The following GNAZ variants were observed in gnomAD, a reference collection of about 807,000 sequenced individuals.
The protein encoded by GNAZ is guanine nucleotide-binding protein G(z) subunit alpha.
GNAZ carries 3 observed loss-of-function variants against 25.4 expected under a neutral mutation model. The observed-to-expected ratio is 0.12, with a 90% confidence interval of 0.05 to 0.30. The LOEUF (loss-of-function observed/expected upper bound fraction) is 0.30, where lower values mean the gene tolerates loss of function less well. GNAZ is among the 10% of genes least tolerant of loss of function. The pLI is 1.00. For missense variants in GNAZ, 241 were observed against 501.8 expected, an observed-to-expected ratio of 0.48 and a Z score of 4.97; for synonymous variants, 211 against 205.7, an observed-to-expected ratio of 1.03 and a Z score of -0.22.
At chr22:23,116,722 G>A (rs6003513) in intron 2 of GNAZ, among the ~76,000 whole-genome samples, 15 of 152,332 alleles carry the variant, frequency 9.8e-5, no homozygotes, top group South Asian at 2.1e-4. Context: ...CAGCCCAGGC[G>A]CTTGTCCCAC....
At chr22:23,107,089 A>C (rs1374727725) in intron 2 of GNAZ, among the ~76,000 whole-genome samples, 2 of 152,246 alleles carry the variant, frequency 1.3e-5, no homozygotes, top group African/African-American at 4.8e-5. Context: ...CTAGGGCTTT[A>C]GCGGCAGCCT....
At chr22:23,114,226 G>A (rs1388214794) in intron 2 of GNAZ, among the ~76,000 whole-genome samples, 5 of 152,140 alleles carry the variant, frequency 3.3e-5, no homozygotes, top group African/African-American at 2.4e-5. Flanking sequence ...CTACAACCCC[G>A]CCCCACAGCT....
rs531780742 is a variant in GNAZ, at chr22:23,083,825, G to A, written c.-449-11422G>A. Among the ~76,000 whole-genome samples, 3 of 152,340 alleles carry A rather than the reference G, an allele frequency of 2.0e-5. No individual in the cohort carries two copies. In the South Asian group the frequency reaches 6.2e-4, roughly 32 times the overall value. On this transcript the variant is annotated intron_variant, in intron 1 of 2. Transcript: ENST00000615612. ...GCACACCACACCTGTTCAAGGTCGCGCGGGCCAGGTGGCAGGCCCAGACTG... is the reference window on the plus strand; with the variant it reads ...GCACACCACACCTGTTCAAGGTCGCACGGGCCAGGTGGCAGGCCCAGACTG...
At chr22:23,088,608 G>A (rs1051804557) in intron 1 of GNAZ, among the ~76,000 whole-genome samples, 3 of 152,218 alleles carry the variant, frequency 2.0e-5, no homozygotes, top group Admixed American at 6.5e-5. Flanking sequence ...GCAGGTAGGC[G>A]CAGGCAGCCC....
At chr22:23,106,388 G>T (rs185282378) in intron 2 of GNAZ, among the ~76,000 whole-genome samples, 56 of 152,328 alleles carry the variant, frequency 3.7e-4, no homozygotes, top group Non-Finnish European at 1.5e-4. Flanking sequence ...CTGCCCAGTG[G>T]GTGAAGCCCA....
chr22:23,104,151 C>T (rs1485946725), intron 2 of GNAZ, among the ~76,000 whole-genome samples: 1 of 151,572 alleles, frequency 6.6e-6, no homozygotes, highest in Non-Finnish European at 1.5e-5. Flanking sequence ...ACTGAGGGGG[C>T]TGTCGGGGGC....
At chr22:23,073,145 A>G (rs182733172) in intron 1 of GNAZ, among the ~76,000 whole-genome samples, 1 of 152,342 alleles carries the variant, frequency 6.6e-6, no homozygotes, top group Admixed American at 6.5e-5. Context: ...TGTGGTGGCA[A>G]AGGCACTCTC....
chr22:23,105,643 G>A (rs564645941), intron 2 of GNAZ, among the ~76,000 whole-genome samples: 15 of 152,358 alleles, frequency 9.8e-5, no homozygotes, highest in South Asian at 4.1e-4. Context: ...CTCACACTGT[G>A]CTTTCTTCGC....
intron 2 of GNAZ, among the ~76,000 whole-genome samples, chr22:23,112,045 A>G (rs751788082): frequency 1.3e-5 from 2 of 152,174 alleles, no homozygotes; most frequent in African/African-American, 2.4e-5. Flanking sequence ...CTTGGGGGTA[A>G]CCAGGAAAGG....
chr22:23,101,344 G>T (rs376863942), intron 2 of GNAZ, among the ~76,000 whole-genome samples: 1 of 152,188 alleles, frequency 6.6e-6, no homozygotes, highest in African/African-American at 2.4e-5. Context: ...TCCTGTGGGT[G>T]CTGGGGTTCT....
At position 23,104,304 on chromosome 22, in the gene GNAZ, C is replaced by T. The variant is rs911484570; in HGVS notation, c.723+7886C>T. 7.9e-5 allele frequency among the ~76,000 whole-genome samples: 12 copies of T among 152,168 alleles called. 1 individual carries two copies. The highest frequency in any genetic ancestry group is 3.9e-4 in the East Asian group (2 of 5,186). ...CCCAGGGTGGGTGTCGCTGCCTGAGCGCCCTGTGATGACGGAGCCAGGGTT... is the reference window on the plus strand; with the variant it reads ...CCCAGGGTGGGTGTCGCTGCCTGAGTGCCCTGTGATGACGGAGCCAGGGTT... On this transcript the variant is annotated intron_variant, in intron 2 of 2. Transcript: ENST00000615612.
In GNAZ at chr22:23,087,601, C is replaced by T. The variant is rs571616449; in HGVS notation, c.-449-7646C>T. Among the ~76,000 whole-genome samples, 52 of 152,322 alleles carry T rather than the reference C, an allele frequency of 3.4e-4. 1 individual carries two copies. Among genetic ancestry groups the T allele is most frequent in the Admixed American group, 2.4e-3 (37 of 15,300 alleles). The stretch of plus-strand genomic sequence containing the variant: ...GCAGGAGACCGGAGTGTTATTATTA[C>T]TCAAATCAGTCTCCTGGAGCATTCA... On this transcript the variant is annotated intron_variant, in intron 1 of 2. Transcript: ENST00000615612.
At position 23,071,980 on chromosome 22, in the gene GNAZ, T is replaced by C. The variant is rs1416608165; in HGVS notation, c.-450+1410T>C. On this transcript the variant is annotated intron_variant, in intron 1 of 2. Coordinates refer to ENST00000615612, the MANE Select transcript of GNAZ (RefSeq NM_002073.4). The surrounding 1 kb of genome is among the most constrained non-coding windows in gnomAD (Gnocchi z 4.1). The stretch of plus-strand genomic sequence containing the variant: ...CTGGGAAGTGGAATGACCCCACTGC[T>C]GGTTAACTGTGGCTATGGTGGAGAC... 6.6e-6 allele frequency among the ~76,000 whole-genome samples: 1 copy of C among 152,136 alleles called. No individual in the cohort carries two copies. Among genetic ancestry groups the C allele is most frequent in the Non-Finnish European group, 1.5e-5 (1 of 68,000 alleles).
In GNAZ at chr22:23,095,469, G is replaced by C. The variant is rs540963326; in HGVS notation, c.-227G>C. 2.9e-5 allele frequency: 16 copies of C among 555,640 alleles called. No homozygotes were observed. The highest frequency in any genetic ancestry group is 2.6e-4 in the African/African-American group (14 of 53,270). The allele number at this position is 555,640 out of a possible 1,614,324, so 34.4% of individuals were successfully genotyped here. On this transcript the variant is annotated 5_prime_UTR_variant, in exon 2 of 3. Transcript: ENST00000615612. ...ACTTTGCCAACTAGGGAGGTGGAGT[G>C]TCACTAGTGGGGAGGGGCGGCCACC...
chr22:23,105,172 C>T (rs1348047496), intron 2 of GNAZ, among the ~76,000 whole-genome samples: 1 of 152,202 alleles, frequency 6.6e-6, no homozygotes, highest in East Asian at 1.9e-4. Flanking sequence ...GCCACAGCCC[C>T]ACACACCTTT....
At chr22:23,078,921 G>A (rs542421649) in intron 1 of GNAZ, among the ~76,000 whole-genome samples, 20 of 152,336 alleles carry the variant, frequency 1.3e-4, no homozygotes, top group East Asian at 7.7e-4. Context: ...GGGGCTGTGC[G>A]TCTACCCGTG....
intron 1 of GNAZ, among the ~76,000 whole-genome samples, chr22:23,094,847 G>A (rs1009131357): frequency 3.3e-5 from 5 of 152,258 alleles, no homozygotes; most frequent in African/African-American, 1.2e-4. Context: ...GCCGAGGCCT[G>A]GCCACCCGTG....
rs999827335 is a variant in GNAZ, at chr22:23,070,531, C to T, written c.-489C>T. 6.6e-6 allele frequency: 1 copy of T among 151,292 alleles called. No homozygotes were observed. Among genetic ancestry groups the T allele is most frequent in the Non-Finnish European group, 1.5e-5 (1 of 67,800 alleles). The allele number at this position is 151,292 out of a possible 1,614,324, so 9.4% of individuals were successfully genotyped here. On this transcript the variant is annotated 5_prime_UTR_variant, in exon 1 of 3. Transcript: ENST00000615612. The stretch of plus-strand genomic sequence containing the variant: ...GCCGCCCCGCCCCGCCCCGCCCTGC[C>T]CGGAGCAGCTCGGCAGATGCTCTGT...
At chr22:23,091,913 T>A (rs930332325) in intron 1 of GNAZ, among the ~76,000 whole-genome samples, 11 of 152,174 alleles carry the variant, frequency 7.2e-5, no homozygotes, top group African/African-American at 2.7e-4. Flanking sequence ...TTCCCCTTTG[T>A]GTTAGGGATG....
Sources: gnomAD v4.1 joint callset for allele counts (sites outside exome capture counted in the v4.1 genomes callset) on GRCh38, gnomAD v4.1.1 for gene constraint, Gnocchi (gnomAD v3.1) non-coding constraint, MANE v1.5 for transcripts, NCBI Gene and HGNC (gene_info 2026-07-23, HGNC 2026-07-21) for gene names.